THSD7A: variants seen among roughly 807,000 people sequenced by gnomAD.
THSD7A encodes the protein thrombospondin type 1 domain containing 7A, also known as thrombospondin type-1 domain-containing protein 7A.
In THSD7A, 96 loss-of-function variants were observed where a neutral mutation model predicts 231.3. The observed-to-expected ratio is 0.41, with a 90% CI of 0.35 to 0.49. THSD7A has a LOEUF of 0.49. Among genes scored for constraint, THSD7A ranks in the 20% least tolerant of loss-of-function variants. THSD7A has a pLI of 0.05. For missense variants in THSD7A, 2,290 were observed against 2,070.2 expected (o/e 1.11, Z -2.06); for synonymous variants, 940 against 743.3 (o/e 1.26, Z -4.30).
At chr7:11,708,303 T>C (rs1780835376) in intron 1 of THSD7A, among the ~76,000 whole-genome samples, 1 of 150,812 alleles carries the variant, frequency 6.6e-6, no homozygotes, top group Non-Finnish European at 1.5e-5. Flanking sequence ...ATAATTAGTT[T>C]TTAAAAAATA....
intron 1 of THSD7A, among the ~76,000 whole-genome samples, chr7:11,687,135 C>A (rs975022992): frequency 1.3e-5 from 2 of 151,752 alleles, no homozygotes; most frequent in African/African-American, 2.4e-5. Flanking sequence ...TTTTTGGTGA[C>A]CCCAATTACA....
chr7:11,710,257 C>A (rs1353805354), intron 1 of THSD7A, among the ~76,000 whole-genome samples: 1 of 131,330 alleles, frequency 7.6e-6, no homozygotes, highest in African/African-American at 3.2e-5. Context: ...ATAAATTAAA[C>A]ACACTTTACA....
At position 11,637,732 on chromosome 7, in the gene THSD7A, C is replaced by T. The variant is rs1213461143; in HGVS notation, c.191-771G>A. On this transcript the variant is annotated intron_variant, in intron 1 of 27. Transcript: ENST00000423059. The surrounding 1 kb of genome is among the most constrained non-coding windows in gnomAD (Gnocchi z 4.2). ...CTTAAACATGAACTATTTGGTATTACAGAGCTGTTTGATGTGATACTTAAA... is the reference window on the plus strand; with the variant it reads ...CTTAAACATGAACTATTTGGTATTATAGAGCTGTTTGATGTGATACTTAAA... 6.6e-6 allele frequency among the ~76,000 whole-genome samples: 1 copy of T among 152,026 alleles called. No individual in the cohort carries two copies. The highest frequency in any genetic ancestry group is 1.9e-4 in the East Asian group (1 of 5,192).
intron 9 of THSD7A, among the ~76,000 whole-genome samples, chr7:11,467,114 T>C (rs1312251992): frequency 6.6e-6 from 1 of 152,118 alleles, no homozygotes; most frequent in African/African-American, 2.4e-5. Flanking sequence ...CCTTCACATC[T>C]TGGGCTCCAG....
At chr7:11,493,022 A>G (rs368477928) in intron 6 of THSD7A, among the ~76,000 whole-genome samples, 14 of 152,240 alleles carry the variant, frequency 9.2e-5, no homozygotes, top group African/African-American at 3.1e-4. Flanking sequence ...GGAACCACAC[A>G]TGTATTAGGA....
chr7:11,736,093 A>G (rs1781904066), intron 1 of THSD7A, among the ~76,000 whole-genome samples: 1 of 151,948 alleles, frequency 6.6e-6, no homozygotes, highest in Admixed American at 6.6e-5. Context: ...TCATATTAAT[A>G]TCAAGGCAAA....
intron 1 of THSD7A, among the ~76,000 whole-genome samples, chr7:11,669,195 G>A (rs917114537): frequency 1.3e-5 from 2 of 152,054 alleles, no homozygotes; most frequent in Non-Finnish European, 2.9e-5. Flanking sequence ...TATTTCTGCA[G>A]GTAATATCAC....
At chr7:11,795,057 C>T (rs1485640138) in intron 1 of THSD7A, among the ~76,000 whole-genome samples, 1 of 151,830 alleles carries the variant, frequency 6.6e-6, no homozygotes, top group Non-Finnish European at 1.5e-5. Flanking sequence ...AGTTAGAGGA[C>T]TTACAGGTGA....
chr7:11,580,534 C>T (rs897973527), intron 4 of THSD7A, among the ~76,000 whole-genome samples: 14 of 151,954 alleles, frequency 9.2e-5, no homozygotes, highest in Non-Finnish European at 1.3e-4. Flanking sequence ...AAAAAATCAC[C>T]AGAAAATACT....
intron 1 of THSD7A, among the ~76,000 whole-genome samples, chr7:11,717,788 T>G (rs4446622): frequency 0.13 from 20,154 of 151,622 alleles, 1,536 homozygotes; most frequent in Admixed American, 0.18. Context: ...GTATTATTTT[T>G]TGGTCCTTTC....
At chr7:11,547,280 G>A (rs940729951) in intron 4 of THSD7A, among the ~76,000 whole-genome samples, 2 of 152,074 alleles carry the variant, frequency 1.3e-5, no homozygotes, top group African/African-American at 4.8e-5. Context: ...TATAATGACA[G>A]AATAAAATCT....
At chr7:11,608,356 A>G (rs376528551) in intron 2 of THSD7A, among the ~76,000 whole-genome samples, 1 of 152,206 alleles carries the variant, frequency 6.6e-6, no homozygotes, top group African/African-American at 2.4e-5. Context: ...AAGGAGAATT[A>G]CCAAGTACCA....
At chr7:11,557,042 AT>A (rs145903195) in intron 4 of THSD7A, among the ~76,000 whole-genome samples, 1 of 151,848 alleles carries the variant, frequency 6.6e-6, no homozygotes, top group Admixed American at 6.6e-5. Context: ...CTCTGAATAC[AT>A]TTTTTTTCTT....
In THSD7A at chr7:11,803,193, A is replaced by G. The variant is rs1784321571; in HGVS notation, c.190+28564T>C. On this transcript the variant is annotated intron_variant, in intron 1 of 27. Transcript: ENST00000423059. ...TTCATGGGCCTTGGGGTTACTATAAATGCCTGTTTTGTTTGGGTGACCAGA... is the reference window on the plus strand; with the variant it reads ...TTCATGGGCCTTGGGGTTACTATAAGTGCCTGTTTTGTTTGGGTGACCAGA... Among the ~76,000 whole-genome samples, 5 of 152,216 alleles carry G rather than the reference A, an allele frequency of 3.3e-5. No individual in the cohort carries two copies. In the South Asian group the frequency reaches 1.0e-3, roughly 32 times the overall value.
chr7:11,445,598 C>T (rs573183576), intron 13 of THSD7A, among the ~76,000 whole-genome samples: 1 of 151,916 alleles, frequency 6.6e-6, no homozygotes, highest in Admixed American at 6.6e-5. Flanking sequence ...TTACTAGTTG[C>T]CATCTTCTCT....
chr7:11,697,183 A>C (rs1223697662), intron 1 of THSD7A, among the ~76,000 whole-genome samples: 1 of 151,386 alleles, frequency 6.6e-6, no homozygotes, highest in Non-Finnish European at 1.5e-5. Context: ...TCCCATGTTT[A>C]AATTTAATTG....
chr7:11,480,027 G>T (rs1314482046), intron 7 of THSD7A, among the ~76,000 whole-genome samples: 1 of 152,034 alleles, frequency 6.6e-6, no homozygotes, highest in African/African-American at 2.4e-5. Context: ...ACATCACACT[G>T]CACCCTATAT....
chr7:11,417,473 C>G lies in THSD7A; in HGVS notation c.3514G>C (p.Gly1172Arg). 1 of 1,607,962 alleles carries G rather than the reference C, an allele frequency of 6.2e-7. No homozygotes were observed. Among genetic ancestry groups the G allele is most frequent in the South Asian group, 1.1e-5 (1 of 89,580 alleles). The change falls in exon 17 of 28, where the codon GGT (glycine) becomes CGT (arginine). Residue 1172 changes from glycine (G) to arginine (R), a missense_variant. Coordinates refer to ENST00000423059, the MANE Select transcript of THSD7A (RefSeq NM_015204.3). ...ACCAAAACACATTGGGTCCATGGAC[C>G]CCATTCAGATATCACACAGTCCTCA... ...CPEDCVISEW[G>R]PWTQCVLPCN...
chr7:11,424,800 G>A lies in THSD7A; in HGVS notation c.3279C>T (p.Asp1093=). ...QVYEVVPCHS[D]CNQYLWVTEP... is the part of the protein sequence containing the mutation. Reference sequence around the variant, plus strand: ...CTGTGACCCATAGGTACTGGTTGCAGTCACTGTGGCATGGGACAACCTCAT... The same window carrying A: ...CTGTGACCCATAGGTACTGGTTGCAATCACTGTGGCATGGGACAACCTCAT... Residue 1093 remains aspartate, a synonymous_variant, in exon 16 of 28, where the codon GAC becomes GAT. Coordinates refer to ENST00000423059, the MANE Select transcript of THSD7A (RefSeq NM_015204.3). The A allele has an allele frequency of 1.2e-6, 2 of 1,614,014 alleles. No individual in the cohort carries two copies. Among genetic ancestry groups the A allele is most frequent in the Admixed American group, 1.7e-5 (1 of 60,018 alleles).
Sources: gnomAD v4.1 joint callset for allele counts (sites outside exome capture counted in the v4.1 genomes callset) on GRCh38, gnomAD v4.1.1 for gene constraint, Gnocchi (gnomAD v3.1) non-coding constraint, MANE v1.5 for transcripts, NCBI Gene and HGNC (gene_info 2026-07-23, HGNC 2026-07-21) for gene names.